The following EFHD1 variants were observed in gnomAD, a reference collection of about 807,000 sequenced individuals.
The protein encoded by EFHD1 is EF-hand domain-containing protein D1.
A neutral mutation model predicts 17.2 loss-of-function variants in EFHD1; 10 were observed. That is an observed-to-expected ratio of 0.58 (90% CI 0.36 to 0.99). The LOEUF (loss-of-function observed/expected upper bound fraction) is 0.99, where lower values mean the gene tolerates loss of function less well. EFHD1 is among the 50% of genes least tolerant of loss of function. The pLI, the probability that EFHD1 is intolerant of heterozygous loss-of-function variation, is 0.01. For synonymous variants in EFHD1, 153 were observed against 142.0 expected (o/e 1.08, Z -0.55); for missense variants, 310 against 327.5 (o/e 0.95, Z 0.41).
At chr2:232,677,448 A>G (rs1186460613) in intron 3 of EFHD1, among the ~76,000 whole-genome samples, 1 of 151,752 alleles carries the variant, frequency 6.6e-6, no homozygotes, top group East Asian at 1.9e-4. Context: ...GGCCTGGTGC[A>G]GTGGCTCATG....
chr2:232,615,155 C>T (rs1220052820), intron 1 of EFHD1, among the ~76,000 whole-genome samples: 2 of 151,996 alleles, frequency 1.3e-5, no homozygotes, highest in African/African-American at 4.8e-5. Flanking sequence ...ACTTACAGCT[C>T]GAAATATGTG....
chr2:232,613,665 C>CAAAT (rs1693852099), intron 1 of EFHD1, among the ~76,000 whole-genome samples: 1 of 151,528 alleles, frequency 6.6e-6, no homozygotes, highest in African/African-American at 2.4e-5. Flanking sequence ...CACAAATACA[C>CAAAT]ACACACAAAT....
At chr2:232,661,233 G>A (rs952238731) in intron 1 of EFHD1, among the ~76,000 whole-genome samples, 2 of 151,888 alleles carry the variant, frequency 1.3e-5, no homozygotes, top group African/African-American at 4.8e-5. Flanking sequence ...ACATTATCGT[G>A]CTGCCATCAC....
Position 232,676,573 on chromosome 2 carries a change from G to T in EFHD1, c.585+4130G>T, listed in dbSNP as rs573780227. ...GGGCTCTCCTGGAGCCGGGGGTGGAGTCAGTCTCCCTTAGGCCCCTGGGCC... is the reference window on the plus strand; with the variant it reads ...GGGCTCTCCTGGAGCCGGGGGTGGATTCAGTCTCCCTTAGGCCCCTGGGCC... On this transcript the variant is annotated intron_variant, in intron 3 of 3. Transcript: ENST00000264059. Among the ~76,000 whole-genome samples the T allele has an allele frequency of 3.9e-5, 6 of 152,332 alleles. No individual in the cohort carries two copies. The East Asian group carries it at 1.2e-3, about 29-fold the overall frequency.
At chr2:232,663,514 G>A (rs919678187) in intron 2 of EFHD1, among the ~76,000 whole-genome samples, 1 of 151,966 alleles carries the variant, frequency 6.6e-6, no homozygotes, top group Non-Finnish European at 1.5e-5. Flanking sequence ...GGATTACAGT[G>A]TGCCACCAGG....
chr2:232,625,893 T>A (rs1173129909), intron 1 of EFHD1, among the ~76,000 whole-genome samples: 1 of 152,108 alleles, frequency 6.6e-6, no homozygotes, highest in African/African-American at 2.4e-5. Flanking sequence ...TTAATTGCAT[T>A]TAAGAATGTC....
chr2:232,625,775 T>C (rs1489285484), intron 1 of EFHD1, among the ~76,000 whole-genome samples: 2 of 152,170 alleles, frequency 1.3e-5, no homozygotes, highest in Non-Finnish European at 2.9e-5. Flanking sequence ...GCGAAAGGAA[T>C]GGTGGGTAAA....
chr2:232,647,982 G>A lies in EFHD1; in HGVS notation c.302+13976G>A, dbSNP rs150194945. On this transcript the variant is annotated intron_variant, in intron 1 of 3. Transcript: ENST00000264059. The stretch of plus-strand genomic sequence containing the variant: ...AGACCTGGCAAGGTGGCTCACTCCT[G>A]TAGTCCCGGCACTTTGGGAGGCCGA... Among the ~76,000 whole-genome samples, 161 of 152,306 alleles carry A rather than the reference G, an allele frequency of 1.1e-3. 4 individuals are homozygous for A. The East Asian group carries it at 0.024, about 23-fold the overall frequency.
At chr2:232,622,461 C>G (rs1305758317) in intron 1 of EFHD1, among the ~76,000 whole-genome samples, 3 of 139,838 alleles carry the variant, frequency 2.1e-5, no homozygotes, top group Non-Finnish European at 4.6e-5. Context: ...GAGAGCAAAG[C>G]TCCGTTTCGC....
chr2:232,632,946 C>T (rs760890682), upstream of EFHD1, among the ~76,000 whole-genome samples: 2 of 152,246 alleles, frequency 1.3e-5, no homozygotes, highest in African/African-American at 4.8e-5. Flanking sequence ...GTGCGTTTCA[C>T]GCAAAAAAAC....
chr2:232,616,791 T>A (rs2106184409), intron 1 of EFHD1, among the ~76,000 whole-genome samples: 1 of 151,908 alleles, frequency 6.6e-6, no homozygotes, highest in South Asian at 2.1e-4. Flanking sequence ...ACTGCTGAAA[T>A]GTACACCTAA....
intron 3 of EFHD1, among the ~76,000 whole-genome samples, chr2:232,672,927 T>C (rs1695106001): frequency 1.3e-5 from 2 of 152,090 alleles, no homozygotes; most frequent in South Asian, 4.1e-4. Flanking sequence ...TGGAGACAGA[T>C]TTCATCATCT....
intron 1 of EFHD1, among the ~76,000 whole-genome samples, chr2:232,610,259 G>C (rs1693788373): frequency 6.6e-6 from 1 of 152,224 alleles, no homozygotes. Context: ...TTGGGTGTGG[G>C]AGTGCCCCTC....
At chr2:232,633,405 T>C (rs1266539690), upstream of EFHD1, 3 of 1,173,378 alleles carry the variant, frequency 2.6e-6, no homozygotes, top group South Asian at 7.2e-5. Context: ...ACGGTCAGCC[T>C]CCCGCCCGGA....
intron 2 of EFHD1, among the ~76,000 whole-genome samples, chr2:232,669,198 G>T (rs904503192): frequency 1.3e-5 from 2 of 152,118 alleles, no homozygotes; most frequent in Non-Finnish European, 2.9e-5. Flanking sequence ...TGGGGGGCCT[G>T]GCCTCCTCCA....
At chr2:232,634,533 A>G (rs1694278634) in intron 1 of EFHD1, among the ~76,000 whole-genome samples, 1 of 152,096 alleles carries the variant, frequency 6.6e-6, no homozygotes, top group African/African-American at 2.4e-5. Context: ...GAGATTCAGG[A>G]CTTTCCTGGA....
chr2:232,672,582 C>A, intron 3 of EFHD1, 139 bp downstream of exon 3: 2 of 1,229,494 alleles, frequency 1.6e-6, no homozygotes, highest in Non-Finnish European at 2.2e-6. Context: ...CTCTGCCAAC[C>A]AGCAAGTGGG....
At chr2:232,641,781 T>A (rs1450229169) in intron 1 of EFHD1, among the ~76,000 whole-genome samples, 1 of 152,214 alleles carries the variant, frequency 6.6e-6, no homozygotes, top group Non-Finnish European at 1.5e-5. Context: ...CCTTTCTCAC[T>A]TCTCGGCCTT....
At chr2:232,653,434 G>T (rs1694694952) in intron 1 of EFHD1, among the ~76,000 whole-genome samples, 1 of 152,126 alleles carries the variant, frequency 6.6e-6, no homozygotes, top group South Asian at 2.1e-4. Context: ...GGGATTACAG[G>T]CACGCGCCAC....
Sources: gnomAD v4.1 joint callset for allele counts (sites outside exome capture counted in the v4.1 genomes callset) on GRCh38, gnomAD v4.1.1 for gene constraint, MANE v1.5 for transcripts, NCBI Gene and HGNC (gene_info 2026-07-23, HGNC 2026-07-21) for gene names.